Variants in CEP112 observed in about 807,000 individuals in gnomAD.
CEP112 encodes centrosomal protein 112.
In CEP112, 127 loss-of-function variants were observed where a neutral mutation model predicts 153.0. The observed-to-expected ratio is 0.83, with a 90% CI of 0.72 to 0.96. CEP112 has a LOEUF of 0.96. Ranked by LOEUF, CEP112 falls within the 40% of genes least tolerant of loss-of-function variation. The pLI is 0.00. For missense variants in CEP112, 1,089 were observed against 1,101.2 expected, an observed-to-expected ratio of 0.99 and a Z score of 0.16; for synonymous variants, 358 against 374.4, an observed-to-expected ratio of 0.96 and a Z score of 0.51.
chr17:65,660,668 C>A (rs2046344624), intron 24 of CEP112, among the ~76,000 whole-genome samples: 1 of 151,956 alleles, frequency 6.6e-6, no homozygotes. Context: ...CCTCAACCTC[C>A]CAAGTAGCTG....
intron 6 of CEP112, among the ~76,000 whole-genome samples, chr17:66,118,307 T>C (rs748031829): frequency 7.2e-5 from 11 of 152,172 alleles, no homozygotes; most frequent in Non-Finnish European, 1.2e-4. Flanking sequence ...ATCAATCTTA[T>C]TGCCCATCAA....
intron 21 of CEP112, among the ~76,000 whole-genome samples, chr17:65,764,008 A>T (rs1212299721): frequency 6.6e-6 from 1 of 152,048 alleles, no homozygotes; most frequent in Non-Finnish European, 1.5e-5. Flanking sequence ...GTCTTTTAGT[A>T]AGCCTGTGCC....
intron 21 of CEP112, among the ~76,000 whole-genome samples, chr17:65,808,152 T>G (rs544310006): frequency 2.6e-5 from 4 of 152,344 alleles, no homozygotes; most frequent in African/African-American, 9.6e-5. Context: ...TTTTGGAGCT[T>G]TAAGATTTAA....
At chr17:66,067,961 TGAG>T (rs2067183820) in intron 9 of CEP112, among the ~76,000 whole-genome samples, 1 of 152,130 alleles carries the variant, frequency 6.6e-6, no homozygotes, top group South Asian at 2.1e-4. Flanking sequence ...CCCAGATACA[TGAG>T]GAGATGACAT....
Position 65,783,855 on chromosome 17 carries a change from G to A in CEP112, c.2395-33131C>T, listed in dbSNP as rs894910486. ...TTCATTACATAAAGTTCCTTTGATC[G>A]ACTATTTCAACTGTTGCCAGGTGGT... On this transcript the variant is annotated intron_variant, in intron 21 of 26. Coordinates refer to ENST00000535342, the MANE Select transcript of CEP112 (RefSeq NM_001199165.4). Among the ~76,000 whole-genome samples, 71 of 152,110 alleles carry A rather than the reference G, an allele frequency of 4.7e-4. 1 individual carries two copies. The highest frequency in any genetic ancestry group is 1.5e-4 in the Non-Finnish European group (10 of 68,044).
At chr17:65,852,398 C>A (rs1332477348) in intron 20 of CEP112, among the ~76,000 whole-genome samples, 2 of 20,472 alleles carry the variant, frequency 9.8e-5, no homozygotes. Flanking sequence ...TCCCTCCCTT[C>A]CCTCTCCCTC....
chr17:65,837,639 G>A (rs966801402), intron 21 of CEP112, among the ~76,000 whole-genome samples: 4 of 152,282 alleles, frequency 2.6e-5, no homozygotes, highest in Non-Finnish European at 5.9e-5. Context: ...CAGTTTTGTC[G>A]AATAGAAAAG....
rs566756866 is a variant in CEP112 at position 65,683,151 on chromosome 17, C to T, written c.2697+5978G>A. The stretch of plus-strand genomic sequence containing the variant: ...AGGGTATCTGGGACTCTGCAGCCCA[C>T]GAGGGAACCTCTTTCCCCACCCTGC... On this transcript the variant is annotated intron_variant, in intron 24 of 26. Transcript: ENST00000535342. Among the ~76,000 whole-genome samples the T allele has an allele frequency of 9.7e-4, 148 of 152,180 alleles. 1 individual carries two copies. Among genetic ancestry groups the T allele is most frequent in the African/African-American group, 3.3e-3 (139 of 41,544 alleles).
chr17:66,086,639 C>T (rs185461706), intron 8 of CEP112, among the ~76,000 whole-genome samples: 4 of 151,718 alleles, frequency 2.6e-5, no homozygotes, highest in African/African-American at 7.2e-5. Context: ...ATTTCCTGAC[C>T]TCGTGATCTG....
intron 21 of CEP112, among the ~76,000 whole-genome samples, chr17:65,801,753 T>C (rs1339273169): frequency 6.6e-6 from 1 of 152,244 alleles, no homozygotes; most frequent in African/African-American, 2.4e-5. Flanking sequence ...CTTTATTTCT[T>C]TAGACATAAT....
chr17:65,821,789 T>C (rs1005332279), intron 21 of CEP112, among the ~76,000 whole-genome samples: 1 of 150,988 alleles, frequency 6.6e-6, no homozygotes, highest in Non-Finnish European at 1.5e-5. Context: ...TGACTTCAGG[T>C]GATCCACCCA....
At chr17:65,693,332 A>G (rs1234137838) in intron 23 of CEP112, among the ~76,000 whole-genome samples, 2 of 152,080 alleles carry the variant, frequency 1.3e-5, no homozygotes, top group Non-Finnish European at 2.9e-5. Flanking sequence ...TCATCTACCA[A>G]ATGCCAAAAC....
chr17:66,021,186 C>G (rs895584139), intron 16 of CEP112, among the ~76,000 whole-genome samples: 2 of 152,054 alleles, frequency 1.3e-5, no homozygotes, highest in African/African-American at 4.8e-5. Flanking sequence ...ACCTGGGACC[C>G]AACAGGACAA....
chr17:65,951,195 T>A (rs945377355), intron 18 of CEP112, among the ~76,000 whole-genome samples: 2 of 152,190 alleles, frequency 1.3e-5, no homozygotes, highest in African/African-American at 2.4e-5. Context: ...ATCCATAGTT[T>A]ACTAGTGAAA....
chr17:65,865,629 T>C (rs1272432356), intron 20 of CEP112, among the ~76,000 whole-genome samples: 1 of 152,100 alleles, frequency 6.6e-6, no homozygotes, highest in Non-Finnish European at 1.5e-5. Flanking sequence ...AGCACGTGGC[T>C]GAAGGTGCAG....
At chr17:66,134,657 C>G (rs778348513) in intron 4 of CEP112, among the ~76,000 whole-genome samples, 1 of 152,028 alleles carries the variant, frequency 6.6e-6, no homozygotes, top group East Asian at 1.9e-4. Context: ...GGGCAACATG[C>G]GACAAAAAGC....
At chr17:65,826,088 T>C (rs540077908) in intron 21 of CEP112, 1 of 1,583,406 alleles carries the variant, frequency 6.3e-7, no homozygotes. Flanking sequence ...GAGATTTATT[T>C]TTTCAGCAAG....
chr17:65,992,785 A>C (rs2063640784), intron 17 of CEP112, among the ~76,000 whole-genome samples: 1 of 152,168 alleles, frequency 6.6e-6, no homozygotes, highest in South Asian at 2.1e-4. Context: ...CTTAAAACTA[A>C]ATTCAGATTT....
intron 21 of CEP112, among the ~76,000 whole-genome samples, chr17:65,752,046 C>T (rs8081331): frequency 1.8e-3 from 61 of 34,462 alleles, no homozygotes; most frequent in East Asian, 0.017. Context: ...ATCCATCCAT[C>T]CATCCATCCA....
Sources: gnomAD v4.1 joint callset for allele counts (sites outside exome capture counted in the v4.1 genomes callset) on GRCh38, gnomAD v4.1.1 for gene constraint, MANE v1.5 for transcripts, NCBI Gene and HGNC (gene_info 2026-07-23, HGNC 2026-07-21) for gene names.